TMEM131: variants seen among roughly 807,000 people sequenced by gnomAD.
TMEM131 encodes transmembrane protein 131, also known as 2610524E03Rik.
A neutral mutation model predicts 211.6 loss-of-function variants in TMEM131; 66 were observed. The observed-to-expected ratio is 0.31, with a 90% confidence interval of 0.26 to 0.38. The LOEUF is 0.38. Ranked by LOEUF, TMEM131 falls within the 10% of genes least tolerant of loss-of-function variation. The pLI is 1.00. For synonymous variants in TMEM131, 844 were observed against 841.3 expected (o/e 1.00, Z -0.06); for missense variants, 2,036 against 2,299.3 (o/e 0.89, Z 2.34).
At chr2:97,806,728 T>C (rs1681316943) in intron 19 of TMEM131, among the ~76,000 whole-genome samples, 1 of 152,214 alleles carries the variant, frequency 6.6e-6, no homozygotes, top group South Asian at 2.1e-4. Flanking sequence ...AAATTTTACT[T>C]TTTGTAGATT....
chr2:97,912,732 C>T (rs1160333678), intron 2 of TMEM131, among the ~76,000 whole-genome samples: 1 of 152,086 alleles, frequency 6.6e-6, no homozygotes, highest in Non-Finnish European at 1.5e-5. Context: ...CGGTACCTTC[C>T]CACCCATGCT....
At chr2:97,872,807 G>A (rs1448688820) in intron 4 of TMEM131, among the ~76,000 whole-genome samples, 2 of 152,184 alleles carry the variant, frequency 1.3e-5, no homozygotes, top group Non-Finnish European at 2.9e-5. Flanking sequence ...ACAAAACTGG[G>A]CGGCCGTTTG....
chr2:97,792,452 G>A lies in TMEM131; in HGVS notation c.4078C>T (p.His1360Tyr). The A allele has an allele frequency of 1.2e-6, 2 of 1,613,416 alleles. No homozygotes were observed. Among genetic ancestry groups the A allele is most frequent in the Non-Finnish European group, 1.7e-6 (2 of 1,179,664 alleles). The change falls in exon 31 of 41, where the codon CAC (histidine) becomes TAC (tyrosine). Residue 1360 changes from histidine to tyrosine, a missense_variant. Physicochemically the swap from His to Tyr is moderately conservative, Grantham distance 83. Transcript: ENST00000186436. Reference sequence around the variant, plus strand: ...ACTTCTAGGGCTGGGGAGTCATGGTGGTCGAAGTCTTTGTCCATGGCTTCT... The same window carrying A: ...ACTTCTAGGGCTGGGGAGTCATGGTAGTCGAAGTCTTTGTCCATGGCTTCT... ...LIEAMDKDFD[H>Y]HDSPALEVFT...
chr2:97,974,397 G>GGGA lies in TMEM131; in HGVS notation c.187+21076_187+21078dup, dbSNP rs141602131. ...GAACTGGAATCCTCAAAATGGGGTT[G>GGGA]GGAGGAGGAGGAGGAGGAGGAGGAC... On this transcript the variant is annotated intron_variant, in intron 1 of 40. Transcript: ENST00000186436. Among the ~76,000 whole-genome samples the GGGA allele has an allele frequency of 4.0e-4, 60 of 151,802 alleles. 1 individual carries two copies. Among genetic ancestry groups the GGGA allele is most frequent in the Admixed American group, 1.2e-3 (19 of 15,238 alleles).
Position 97,805,100 on chromosome 2 carries a change from T to G in TMEM131, c.2390A>C (p.Asn797Thr). 1 of 1,611,116 alleles carries G rather than the reference T, an allele frequency of 6.2e-7. No individual in the cohort carries two copies. Among genetic ancestry groups the G allele is most frequent in the Non-Finnish European group, 8.5e-7 (1 of 1,178,830 alleles). ...ATAAACCACTCACCTATGACCTGAA[T>G]TTTCCTTTATTCCTGTCCATCCCTT... ...LFKGWTGIKE[N>T]SGHRLSAIFE... The change falls in exon 22 of 41, where the codon AAT (asparagine) becomes ACT (threonine). Residue 797 changes from asparagine (N) to threonine (T), a missense_variant. By Grantham distance (65) the Asn-to-Thr change is moderately conservative. This residue lies in a region of TMEM131 where 1,623 missense variants were observed against 1,805.9 expected (regional missense o/e 0.90). Coordinates refer to ENST00000186436, the MANE Select transcript of TMEM131 (RefSeq NM_015348.2).
chr2:97,944,847 T>A (rs1677957784), intron 1 of TMEM131, among the ~76,000 whole-genome samples: 1 of 152,144 alleles, frequency 6.6e-6, no homozygotes, highest in African/African-American at 2.4e-5. Context: ...CGAAAACGCC[T>A]AAGTCGCTGG....
intron 38 of TMEM131, chr2:97,759,980 G>C (rs779157957): frequency 1.3e-4 from 63 of 483,410 alleles, no homozygotes; most frequent in African/African-American, 9.5e-4. Context: ...CAGGTTCAAA[G>C]CAAGTGTTTT....
At chr2:97,776,475 C>T (rs927583446) in intron 31 of TMEM131, among the ~76,000 whole-genome samples, 10 of 152,142 alleles carry the variant, frequency 6.6e-5, no homozygotes, top group African/African-American at 2.4e-4. Flanking sequence ...TAAAGCTTTC[C>T]AAATCCATTT....
intron 1 of TMEM131, among the ~76,000 whole-genome samples, chr2:97,966,236 G>A (rs1679051026): frequency 6.6e-6 from 1 of 151,718 alleles, no homozygotes; most frequent in East Asian, 1.9e-4. Flanking sequence ...ACATAACTTA[G>A]CAGTAGTTAA....
intron 32 of TMEM131, among the ~76,000 whole-genome samples, chr2:97,774,301 T>C (rs1679608891): frequency 6.6e-6 from 1 of 152,234 alleles, no homozygotes; most frequent in African/African-American, 2.4e-5. Context: ...GCCTGGCACG[T>C]GGGTGCTCAA....
intron 4 of TMEM131, chr2:97,887,822 C>T: frequency 2.4e-6 from 1 of 416,028 alleles, no homozygotes; most frequent in Non-Finnish European, 4.3e-6. Context: ...GAACCAGAGA[C>T]TACAACAAGC....
intron 2 of TMEM131, among the ~76,000 whole-genome samples, chr2:97,919,733 G>C (rs186506388): frequency 6.6e-6 from 1 of 152,116 alleles, no homozygotes; most frequent in African/African-American, 2.4e-5. Flanking sequence ...ACCATGCCTG[G>C]CTACTTTGGT....
intron 39 of TMEM131, chr2:97,759,423 A>C: frequency 1.9e-6 from 1 of 538,070 alleles, no homozygotes. Flanking sequence ...CCGCCATGGA[A>C]CTCACACCAA....
chr2:97,891,491 A>G lies in TMEM131; in HGVS notation c.291-3371T>C, dbSNP rs370231847. Among the ~76,000 whole-genome samples the G allele has an allele frequency of 3.6e-5, 5 of 138,072 alleles. No individual in the cohort carries two copies. In the East Asian group the frequency reaches 6.0e-4, roughly 16 times the overall value. The allele number at this position is 138,072 out of a possible 152,430, so 90.6% of individuals were successfully genotyped here. A position where few individuals can be genotyped will look rare whatever the true frequency, so the allele number is the denominator to read the frequency against. On this transcript the variant is annotated intron_variant, in intron 3 of 40. Coordinates refer to ENST00000186436, the MANE Select transcript of TMEM131 (RefSeq NM_015348.2). Reference sequence around the variant, plus strand: ...ACACATGTTCTGAAGTGTCAATACAATTGGTTTTATAAATTTTCACTAAAA... The same window carrying G: ...ACACATGTTCTGAAGTGTCAATACAGTTGGTTTTATAAATTTTCACTAAAA...
chr2:97,769,034 T>TAACTCCTGGGCTC (rs1679337539), intron 33 of TMEM131, among the ~76,000 whole-genome samples: 1 of 150,294 alleles, frequency 6.7e-6, no homozygotes, highest in African/African-American at 2.4e-5. Context: ...CTGCAGTCTC[T>TAACTCCTGGGCTC]AACTCCTGGG....
At position 97,844,135 on chromosome 2, in the gene TMEM131, TG is replaced by T; in HGVS notation, c.600+9del. 1.1e-6 allele frequency: 1 copy of T among 877,658 alleles called. No homozygotes were observed. The highest frequency in any genetic ancestry group is 3.8e-5 in the Admixed American group (1 of 26,294). 54.4% of individuals were successfully genotyped at this position (877,658 alleles called of 1,614,324 possible). ...TATTGTATAAAATAAGTTTTAATTC[TG>T]GTTCTTACCTGGTAAGTAAATACCC... On this transcript the variant is annotated intron_variant, in intron 6 of 40. Transcript: ENST00000186436.
At chr2:97,806,705 T>C (rs1681315798) in intron 19 of TMEM131, among the ~76,000 whole-genome samples, 1 of 152,242 alleles carries the variant, frequency 6.6e-6, no homozygotes, top group South Asian at 2.1e-4. Flanking sequence ...AATCTTTCTT[T>C]TGGCTGAATA....
intron 3 of TMEM131, among the ~76,000 whole-genome samples, chr2:97,894,374 G>C (rs112992804): frequency 6.6e-6 from 1 of 152,064 alleles, no homozygotes; most frequent in African/African-American, 2.4e-5. Context: ...TTCTTTTTTC[G>C]TTCCATATGA....
chr2:97,859,324 C>T lies in TMEM131; in HGVS notation c.463G>A (p.Ala155Thr), dbSNP rs1267602689. Reference sequence around the variant, plus strand: ...CTTACCCTATTTTGAAAAAATGATGCATGAAAATGTGATGTTGTAGCAGAT... The same window carrying T: ...CTTACCCTATTTTGAAAAAATGATGTATGAAAATGTGATGTTGTAGCAGAT... The part of the protein sequence containing the change: ...SISATTSHFH[A>T]SFFQNRKILP... Residue 155 changes from alanine (A) to threonine (T), a missense_variant, in exon 5 of 41, where the codon GCA becomes ACA. Physicochemically the swap from Ala to Thr is moderately conservative, Grantham distance 58 (BLOSUM62 0). Coordinates refer to ENST00000186436, the MANE Select transcript of TMEM131 (RefSeq NM_015348.2). 6.3e-7 allele frequency: 1 copy of T among 1,595,746 alleles called. No individual in the cohort carries two copies. The highest frequency in any genetic ancestry group is 1.8e-5 in the Admixed American group (1 of 55,404).
Sources: gnomAD v4.1 joint callset for allele counts (sites outside exome capture counted in the v4.1 genomes callset) on GRCh38, gnomAD v4.1.1 for gene constraint, gnomAD v4.1.1 regional missense constraint, MANE v1.5 for transcripts, NCBI Gene and HGNC (gene_info 2026-07-23, HGNC 2026-07-21) for gene names.